Variants in GRIK2 observed in about 807,000 individuals in gnomAD.
GRIK2 encodes glutamate ionotropic receptor kainate type subunit 2, also known as glutamate receptor ionotropic, kainate 2.
In GRIK2, 32 loss-of-function variants were observed where a neutral mutation model predicts 100.3. That is an observed-to-expected ratio of 0.32 (90% CI 0.24 to 0.43). The LOEUF (loss-of-function observed/expected upper bound fraction) is 0.43. GRIK2 is among the 20% of genes least tolerant of loss of function. The probability of loss-of-function intolerance (pLI) is 1.00; values close to 1 mark genes in which losing one functional copy is unlikely to be tolerated. For synonymous variants in GRIK2, 417 were observed against 389.4 expected (o/e 1.07, Z -0.83); for missense variants, 843 against 1,114.9 (o/e 0.76, Z 3.47).
chr6:102,037,620 T>C (rs1582766062), intron 15 of GRIK2, among the ~76,000 whole-genome samples: 1 of 90,374 alleles, frequency 1.1e-5, no homozygotes, highest in Admixed American at 1.1e-4. Context: ...ATTGGGCAAT[T>C]AATTTTAATA....
chr6:101,829,799 T>G (rs1782562741), intron 10 of GRIK2, among the ~76,000 whole-genome samples: 1 of 151,824 alleles, frequency 6.6e-6, no homozygotes, highest in Non-Finnish European at 1.5e-5. Context: ...CATGCTCATT[T>G]CATGCTCATG....
In GRIK2 at chr6:101,676,704, C is replaced by A; in HGVS notation, c.623C>A (p.Thr208Lys). The A allele has an allele frequency of 6.2e-7, 1 of 1,603,044 alleles. No individual in the cohort carries two copies. Among genetic ancestry groups the A allele is most frequent in the Non-Finnish European group, 8.5e-7 (1 of 1,171,358 alleles). The stretch of plus-strand genomic sequence containing the variant: ...AAAATTCGTCAGTTACCTGCTGATA[C>A]AAAGGATGCAAAACCCTTACTAAAA... ...RLKIRQLPAD[T>K]KDAKPLLKEM... is the part of the protein sequence containing the mutation. Residue 208 changes from threonine (T) to lysine (K), a missense_variant, in exon 5 of 17, where the codon ACA becomes AAA. Thr to Lys is a moderately conservative substitution (Grantham distance 78). Around this residue, in one of 3 missense-constraint regions of GRIK2, gnomAD observed 519 missense variants for 643.8 expected, o/e 0.81. Transcript: ENST00000369134.
chr6:101,993,696 A>C (rs982534062), intron 14 of GRIK2: 7 of 150,240 alleles, frequency 4.7e-5, no homozygotes, highest in African/African-American at 1.7e-4. Flanking sequence ...GTACATATTT[A>C]TCTATCTATG....
At chr6:101,401,209 A>G (rs1775286798) in intron 2 of GRIK2, among the ~76,000 whole-genome samples, 1 of 152,182 alleles carries the variant, frequency 6.6e-6, no homozygotes, top group Non-Finnish European at 1.5e-5. Flanking sequence ...GAGCCGGAAA[A>G]CTGCCACCAA....
intron 2 of GRIK2, among the ~76,000 whole-genome samples, chr6:101,504,548 TAC>T (rs1773924517): frequency 6.6e-6 from 1 of 151,730 alleles, no homozygotes; most frequent in Non-Finnish European, 1.5e-5. Flanking sequence ...ATATAAATTA[TAC>T]TAGGGTGGCT....
intron 7 of GRIK2, among the ~76,000 whole-genome samples, chr6:101,709,896 T>A (rs983580020): frequency 1.3e-5 from 2 of 151,854 alleles, no homozygotes; most frequent in East Asian, 1.9e-4. Flanking sequence ...AGCCTGAGAA[T>A]TCTTGCCATT....
At chr6:101,761,415 T>G (rs1583096007) in intron 7 of GRIK2, among the ~76,000 whole-genome samples, 1 of 152,144 alleles carries the variant, frequency 6.6e-6, no homozygotes, top group East Asian at 1.9e-4. Context: ...CAAATATAAC[T>G]GACTCATTAG....
rs148201564 is a variant in GRIK2 at position 101,731,077 on chromosome 6, A to G, written c.951+44724A>G. Among the ~76,000 whole-genome samples the G allele has an allele frequency of 1.2e-3, 183 of 152,106 alleles. 3 individuals carry two copies. The East Asian group carries it at 0.027, about 23-fold the overall frequency. Reference sequence around the variant, plus strand: ...TCTAAGCAAATTTTCAAGTACTTCTATGCAGTTGCAGTCCAAGTAGCTAAG... The same window carrying G: ...TCTAAGCAAATTTTCAAGTACTTCTGTGCAGTTGCAGTCCAAGTAGCTAAG... On this transcript the variant is annotated intron_variant, in intron 7 of 16. Transcript: ENST00000369134.
chr6:101,869,003 A>T (rs1785222081), intron 11 of GRIK2, among the ~76,000 whole-genome samples: 1 of 151,986 alleles, frequency 6.6e-6, no homozygotes, highest in East Asian at 1.9e-4. Flanking sequence ...ATGAGGGAGT[A>T]TATCTAATTT....
chr6:101,682,649 A>T (rs758436997), intron 6 of GRIK2, 43 bp downstream of exon 6: 2 of 835,322 alleles, frequency 2.4e-6, no homozygotes, highest in Admixed American at 4.7e-5. Context: ...TTTTATTATT[A>T]TGACTTTTTC....
chr6:101,779,999 T>G (rs79782609), intron 7 of GRIK2, among the ~76,000 whole-genome samples: 1 of 152,178 alleles, frequency 6.6e-6, no homozygotes, highest in Non-Finnish European at 1.5e-5. Context: ...AGGATGTAAA[T>G]GACCACAGAT....
At chr6:101,403,326 C>T (rs2128236234) in intron 2 of GRIK2, among the ~76,000 whole-genome samples, 1 of 152,248 alleles carries the variant, frequency 6.6e-6, no homozygotes, top group Admixed American at 6.5e-5. Flanking sequence ...TCTGATGTTT[C>T]GACCTAACTT....
intron 15 of GRIK2, among the ~76,000 whole-genome samples, chr6:102,041,212 A>G (rs1770552153): frequency 6.6e-6 from 1 of 151,672 alleles, no homozygotes; most frequent in Non-Finnish European, 1.5e-5. Flanking sequence ...GCCGTGATTA[A>G]TATTGTAAAT....
intron 2 of GRIK2, among the ~76,000 whole-genome samples, chr6:101,536,837 T>C (rs1166507257): frequency 1.3e-5 from 2 of 151,736 alleles, no homozygotes; most frequent in Non-Finnish European, 3.0e-5. Context: ...AGTCAAAAGG[T>C]CAAATTTATT....
At chr6:101,787,097 T>G (rs111602871) in intron 7 of GRIK2, among the ~76,000 whole-genome samples, 1,905 of 152,104 alleles carry the variant, frequency 0.013, 36 homozygotes, top group African/African-American at 0.043. Context: ...TTTTTGAGTT[T>G]GTTAGTACAT....
chr6:101,468,139 G>T (rs542861540), intron 2 of GRIK2, among the ~76,000 whole-genome samples: 3 of 152,182 alleles, frequency 2.0e-5, no homozygotes, highest in Admixed American at 1.3e-4. Flanking sequence ...CCAAGGGACT[G>T]CCCAGTGGGA....
chr6:101,999,772 A>G (rs1562099897), intron 14 of GRIK2, among the ~76,000 whole-genome samples: 1 of 152,092 alleles, frequency 6.6e-6, no homozygotes, highest in East Asian at 1.9e-4. Context: ...GAAAACATTC[A>G]TTTTTACATA....
chr6:101,398,748 T>C (rs1313009012), intron 1 of GRIK2: 8 of 349,958 alleles, frequency 2.3e-5, no homozygotes, highest in South Asian at 3.0e-4. Context: ...ATCGGTTGCA[T>C]AATAGATATT....
At chr6:101,772,221 C>T (rs184904763) in intron 7 of GRIK2, among the ~76,000 whole-genome samples, 45 of 152,260 alleles carry the variant, frequency 3.0e-4, no homozygotes, top group African/African-American at 1.1e-3. Flanking sequence ...TACCTCTTTC[C>T]TAATGGCTTC....
Sources: allele counts gnomAD v4.1 joint callset (sites outside exome capture counted in the v4.1 genomes callset), GRCh38; gene constraint gnomAD v4.1.1; regional missense constraint gnomAD v4.1.1; transcripts MANE v1.5; gene names NCBI Gene and HGNC (gene_info 2026-07-23, HGNC 2026-07-21).